HDAC2: variants seen among roughly 807,000 people sequenced by gnomAD.
HDAC2 encodes the protein YY1-associated factor 1.
Under a neutral mutation model 68.5 loss-of-function variants are expected in HDAC2, and 5 were observed. The observed-to-expected ratio is 0.07, with a 90% CI of 0.04 to 0.15. The LOEUF is 0.15. Ranked by LOEUF, HDAC2 falls within the 10% of genes least tolerant of loss-of-function variation. The probability of loss-of-function intolerance (pLI) is 1.00; values close to 1 mark genes in which losing one functional copy is unlikely to be tolerated. For synonymous variants in HDAC2, 182 were observed against 191.3 expected, an observed-to-expected ratio of 0.95 and a Z score of 0.40; for missense variants, 291 against 600.8, an observed-to-expected ratio of 0.48 and a Z score of 5.39.
At position 113,934,044 on chromosome 6, in the gene HDAC2, G is replaced by C. The variant is rs111498424; in HGVS notation, c.*7014C>G. 6.6e-6 allele frequency: 1 copy of C among 151,708 alleles called. No individual in the cohort carries two copies. Among genetic ancestry groups the C allele is most frequent in the African/African-American group, 2.4e-5 (1 of 41,360 alleles). The allele number at this position is 151,708 out of a possible 1,614,324, so 9.4% of individuals were successfully genotyped here. A position where few individuals can be genotyped will look rare whatever the true frequency, so the allele number is the denominator to read the frequency against. On this transcript the variant is annotated 3_prime_UTR_variant, in exon 14 of 14. Transcript: ENST00000519065. ...AAACTTTAAAAAACTGAATTTCTAC[G>C]GGTAAATGTTTAAATATGAGAAAAA...
intron 1 of HDAC2, among the ~76,000 whole-genome samples, chr6:113,967,600 A>T (rs1167040405): frequency 6.6e-6 from 1 of 152,234 alleles, no homozygotes; most frequent in Admixed American, 6.5e-5. Flanking sequence ...AAACCCTATT[A>T]TACTGTATAC....
Position 113,933,301 on chromosome 6 carries a change from TA to T in HDAC2, c.*7756del, listed in dbSNP as rs1421271481. ...ATATTCTTGCCCAAAACATGCAACC[TA>T]TATCTAACCATGAAGAAACATCAGA... On this transcript the variant is annotated 3_prime_UTR_variant, in exon 14 of 14. Coordinates refer to ENST00000519065, the MANE Select transcript of HDAC2 (RefSeq NM_001527.4). 4 of 152,326 alleles carry T rather than the reference TA, an allele frequency of 2.6e-5. No individual in the cohort carries two copies. The highest frequency in any genetic ancestry group is 9.6e-5 in the African/African-American group (4 of 41,580). 9.4% of individuals were successfully genotyped at this position (152,326 alleles called of 1,614,324 possible). A position where few individuals can be genotyped will look rare whatever the true frequency, so the allele number is the denominator to read the frequency against.
intron 6 of HDAC2, among the ~76,000 whole-genome samples, chr6:113,949,931 G>A (rs1023765116): frequency 1.9e-4 from 29 of 152,152 alleles, no homozygotes; most frequent in African/African-American, 5.3e-4. Context: ...ACAGGCATGT[G>A]CCACCATGCC....
rs759287303 is a variant in HDAC2 at position 113,956,659 on chromosome 6, T to C, written c.318A>G (p.Gly106=). 1.2e-6 allele frequency: 2 copies of C among 1,613,036 alleles called. No individual in the cohort carries two copies. Among genetic ancestry groups the C allele is most frequent in the Non-Finnish European group, 1.7e-6 (2 of 1,179,264 alleles). Residue 106 remains glycine (G), a synonymous_variant, in exon 4 of 14, where the codon GGA becomes GGG. Transcript: ENST00000519065. ...NVGEDCPVFD[G]LFEFCQLSTG... Reference sequence around the variant, plus strand: ...TTGAGAGCTGACAAAACTCAAAGAGTCCATCAAACACTGGACAATCTTCTC... The same window carrying C: ...TTGAGAGCTGACAAAACTCAAAGAGCCCATCAAACACTGGACAATCTTCTC...
rs774173418 is a variant in HDAC2, at chr6:113,946,005, T to A, written c.982+3A>T. The A allele has an allele frequency of 2.5e-6, 4 of 1,608,646 alleles. No homozygotes were observed. In the East Asian group the frequency reaches 8.9e-5, roughly 36 times the overall value. On this transcript the variant is annotated splice_donor_region_variant and intron_variant, in intron 9 of 13. Coordinates refer to ENST00000519065, the MANE Select transcript of HDAC2 (RefSeq NM_001527.4). ...ATAAAGATATTGTAATGAGAACACT[T>A]ACCATTGGGAATCTCACAATCAAGG...
intron 8 of HDAC2, chr6:113,948,506 G>T (rs1049692695): frequency 6.5e-6 from 1 of 153,194 alleles, no homozygotes; most frequent in Non-Finnish European, 1.5e-5. Flanking sequence ...ATGCAGCAAA[G>T]AACAACTGGA....
chr6:113,944,353 T>C lies in HDAC2; in HGVS notation c.1149A>G (p.Gln383=). ...CATGAACAGCATCTTCTGGAATAGC[T>C]TGCATCTGGACACCAGGTGCATGAG... The part of the protein sequence containing the change: ...MLPHAPGVQM[Q]AIPEDAVHED... Residue 383 remains glutamine (Q), a synonymous_variant, in exon 11 of 14, where the codon CAA becomes CAG. Coordinates refer to ENST00000519065, the MANE Select transcript of HDAC2 (RefSeq NM_001527.4). 1.9e-6 allele frequency: 3 copies of C among 1,612,518 alleles called. No individual in the cohort carries two copies. The highest frequency in any genetic ancestry group is 1.7e-6 in the Non-Finnish European group (2 of 1,178,556).
In HDAC2 at chr6:113,944,283, A is replaced by G. The variant is rs964641741; in HGVS notation, c.1219T>C (p.Ser407Pro). The G allele has an allele frequency of 1.4e-5, 23 of 1,611,252 alleles. No individual in the cohort carries two copies. Among genetic ancestry groups the G allele is most frequent in the Non-Finnish European group, 1.9e-5 (22 of 1,177,914 alleles). The change falls in exon 11 of 14, where the codon TCT becomes CCT. Residue 407 changes from serine to proline, a missense_variant. Ser to Pro is a moderately conservative substitution (Grantham distance 74). Coordinates refer to ENST00000519065, the MANE Select transcript of HDAC2 (RefSeq NM_001527.4). Reference protein sequence around the residue: ...EDGEDPDKRISIRASDKRIAC... With the variant: ...EDGEDPDKRIPIRASDKRIAC... ...AAAAATAAAGGCATTATCTTACTAG[A>G]AATTCTCTTGTCTGGATCTTCTCCA... is the stretch of plus-strand genomic sequence containing the variant.
In HDAC2 at chr6:113,939,618, A is replaced by C. The variant is rs1248218920; in HGVS notation, c.*1440T>G. On this transcript the variant is annotated 3_prime_UTR_variant, in exon 14 of 14. Coordinates refer to ENST00000519065, the MANE Select transcript of HDAC2 (RefSeq NM_001527.4). ...AACAAATATGTAGCAAAAGTACAAA[A>C]ACATGGGTAAAATATTCACAAAAAC... The C allele has an allele frequency of 6.6e-6, 1 of 152,162 alleles. No homozygotes were observed. Among genetic ancestry groups the C allele is most frequent in the African/African-American group, 2.4e-5 (1 of 41,424 alleles). The allele number at this position is 152,162 out of a possible 1,614,324, so 9.4% of individuals were successfully genotyped here. A position where few individuals can be genotyped will look rare whatever the true frequency, so the allele number is the denominator to read the frequency against.
intron 12 of HDAC2, among the ~76,000 whole-genome samples, chr6:113,942,256 T>C (rs1256304902): frequency 1.3e-5 from 2 of 152,052 alleles, no homozygotes; most frequent in Admixed American, 1.3e-4. Context: ...CTTAATTCAG[T>C]CATGGCTTGA....
At chr6:113,970,591 C>T in intron 1 of HDAC2, 1 of 1,275,444 alleles carries the variant, frequency 7.8e-7, no homozygotes, top group Middle Eastern at 3.0e-4. Context: ...CGGCCACCTT[C>T]GAGGCTGCGG....
chr6:113,951,132 G>A (rs973388704), intron 6 of HDAC2, among the ~76,000 whole-genome samples: 2 of 152,168 alleles, frequency 1.3e-5, no homozygotes, highest in Non-Finnish European at 2.9e-5. Context: ...ACTCAGAGCT[G>A]CTGCCCTTGT....
At chr6:113,969,734 A>C (rs948065494) in intron 1 of HDAC2, 8 of 152,246 alleles carry the variant, frequency 5.3e-5, no homozygotes, top group Non-Finnish European at 1.2e-4. Context: ...AAATTATAGA[A>C]TGCTTAAGAT....
chr6:113,954,808 A>C (rs970836752), intron 5 of HDAC2, among the ~76,000 whole-genome samples: 4 of 152,234 alleles, frequency 2.6e-5, no homozygotes, highest in African/African-American at 9.6e-5. Flanking sequence ...AGTATAATAC[A>C]AAGTAGAATC....
chr6:113,970,692 A>AGGGG (rs1468176995), intron 1 of HDAC2, 165 bp downstream of exon 1: 33 of 1,357,802 alleles, frequency 2.4e-5, no homozygotes, highest in Non-Finnish European at 3.1e-5. Context: ...CGCCAGGAAG[A>AGGGG]GGGTCTCGTT....
intron 1 of HDAC2, among the ~76,000 whole-genome samples, chr6:113,963,779 T>G (rs1776746622): frequency 6.6e-6 from 1 of 152,120 alleles, no homozygotes; most frequent in African/African-American, 2.4e-5. Flanking sequence ...AAAAATCAGC[T>G]CAAGGTGGTT....
At position 113,943,650 on chromosome 6, in the gene HDAC2, T is replaced by C. The variant is rs145972581; in HGVS notation, c.1223-144A>G. The C allele has an allele frequency of 8.5e-4, 423 of 496,046 alleles. 3 individuals are homozygous for C. Among genetic ancestry groups the C allele is most frequent in the African/African-American group, 7.9e-3 (394 of 50,072 alleles). 30.7% of individuals were successfully genotyped at this position (496,046 alleles called of 1,614,324 possible). On this transcript the variant is annotated intron_variant, in intron 11 of 13. Coordinates refer to ENST00000519065, the MANE Select transcript of HDAC2 (RefSeq NM_001527.4). ...ATGCCTAATGATTTTAAAATTTGAA[T>C]GGAATGAATGGTTTATTTAATATTG...
At chr6:113,961,671 C>G (rs1776686392) in intron 1 of HDAC2, among the ~76,000 whole-genome samples, 1 of 152,140 alleles carries the variant, frequency 6.6e-6, no homozygotes, top group Non-Finnish European at 1.5e-5. Context: ...TCCTTGAAAG[C>G]AGCCTGGTCT....
rs1392207016 is a variant in HDAC2 at position 113,939,432 on chromosome 6, C to T, written c.*1626G>A. The stretch of plus-strand genomic sequence containing the variant: ...TCATGTAACCAAACACCACCTGTTC[C>T]CCAATAAGCTATGGAAAAATAAAAA... On this transcript the variant is annotated 3_prime_UTR_variant, in exon 14 of 14. Coordinates refer to ENST00000519065, the MANE Select transcript of HDAC2 (RefSeq NM_001527.4). 6.6e-6 allele frequency: 1 copy of T among 152,030 alleles called. No homozygotes were observed. The highest frequency in any genetic ancestry group is 2.4e-5 in the African/African-American group (1 of 41,380). The allele number at this position is 152,030 out of a possible 1,614,324, so 9.4% of individuals were successfully genotyped here.
Sources: gnomAD v4.1 joint callset for allele counts (sites outside exome capture counted in the v4.1 genomes callset) on GRCh38, gnomAD v4.1.1 for gene constraint, MANE v1.5 for transcripts, NCBI Gene and HGNC (gene_info 2026-07-23, HGNC 2026-07-21) for gene names.